ERCC4: variants seen among roughly 807,000 people sequenced by gnomAD.
The protein encoded by ERCC4 is DNA repair endonuclease XPF.
ERCC4 carries 65 observed loss-of-function variants against 76.9 expected under a neutral mutation model. The observed-to-expected ratio is 0.84, with a 90% CI of 0.69 to 1.04. The LOEUF (loss-of-function observed/expected upper bound fraction) is 1.04, where lower values mean the gene tolerates loss of function less well. ERCC4 is among the 50% of genes least tolerant of loss of function. The pLI is 0.00. For synonymous variants in ERCC4, 463 were observed against 410.1 expected, an observed-to-expected ratio of 1.13 and a Z score of -1.56; for missense variants, 1,214 against 1,128.2, an observed-to-expected ratio of 1.08 and a Z score of -1.09.
At chr16:13,925,431 G>A (rs1415201825) in intron 2 of ERCC4, among the ~76,000 whole-genome samples, 2 of 152,036 alleles carry the variant, frequency 1.3e-5, no homozygotes, top group Non-Finnish European at 2.9e-5. Context: ...CGTGTATTGG[G>A]GGGGTTATTG....
chr16:13,948,473 G>A lies in ERCC4; in HGVS notation c.*126G>A. ...TTCCAATGCTCTTAATGATTGTACG[G>A]TGGACCAGAAGCCAGGATTCCTCTC... On this transcript the variant is annotated 3_prime_UTR_variant, in exon 11 of 11. Coordinates refer to ENST00000311895, the MANE Select transcript of ERCC4 (RefSeq NM_005236.3). 2 of 1,182,784 alleles carry A rather than the reference G, an allele frequency of 1.7e-6. No individual in the cohort carries two copies. Among genetic ancestry groups the A allele is most frequent in the Non-Finnish European group, 2.5e-6 (2 of 815,662 alleles). The allele number at this position is 1,182,784 out of a possible 1,614,324, so 73.3% of individuals were successfully genotyped here.
rs958729171 is a variant in ERCC4, at chr16:13,947,419, G to A, written c.2018-195G>A. On this transcript the variant is annotated intron_variant, in intron 10 of 10. Transcript: ENST00000311895. ...GACAGTCTAACTTTCCTATTAGCTC[G>A]GTTTCCTTCAAGGGAAATTGCCTCT... Among the ~76,000 whole-genome samples, 9 of 152,236 alleles carry A rather than the reference G, an allele frequency of 5.9e-5. 1 individual carries two copies. In the South Asian group the frequency reaches 1.2e-3, roughly 21 times the overall value.
chr16:13,922,264 TA>T (rs1015821969), intron 2 of ERCC4, 53 bp downstream of exon 2: 3 of 1,167,554 alleles, frequency 2.6e-6, no homozygotes, highest in Non-Finnish European at 3.8e-6. Context: ...TTTTTTTTTT[TA>T]AGTACAATTT....
At position 13,944,801 on chromosome 16, in the gene ERCC4, A is replaced by C. The variant is rs373237850; in HGVS notation, c.1983A>C (p.Ala661=). Residue 661 remains alanine (A), a synonymous_variant, in exon 10 of 11, where the codon GCA becomes GCC. Transcript: ENST00000311895. Reference sequence around the variant, plus strand: ...ACTTAGACCTAGTAAGAGGCACAGCATCTGCAGATGTTTCCACTGACACTC... The same window carrying C: ...ACTTAGACCTAGTAAGAGGCACAGCCTCTGCAGATGTTTCCACTGACACTC... ...ETNLDLVRGT[A]SADVSTDTRK... is the part of the protein sequence containing the mutation. 6.2e-7 allele frequency: 1 copy of C among 1,613,742 alleles called. No individual in the cohort carries two copies. The highest frequency in any genetic ancestry group is 1.1e-5 in the South Asian group (1 of 91,078).
At chr16:13,922,241 G>A in intron 2 of ERCC4, 30 bp downstream of exon 2, 1 of 1,396,978 alleles carries the variant, frequency 7.2e-7, no homozygotes, top group Non-Finnish European at 1.0e-6. Context: ...TTATTAGTAT[G>A]TAAATTTGTA....
Position 13,922,182 on chromosome 16 carries a change from C to A in ERCC4, c.359C>A (p.Thr120Asn). The change falls in exon 2 of 11, where the codon ACT (threonine) becomes AAT (asparagine). Residue 120 changes from threonine (T) to asparagine (N), a missense_variant. By Grantham distance (65) the Thr-to-Asn change is moderately conservative. Transcript: ENST00000311895. Reference protein sequence around the residue: ...TSRILVVDFLTDRIPSDLITG... With the variant: ...TSRILVVDFLNDRIPSDLITG... ...AGGATACTTGTGGTTGACTTCTTGA[C>A]TGATAGAATACCTTCAGATTTAATT... 6.2e-7 allele frequency: 1 copy of A among 1,610,776 alleles called. No individual in the cohort carries two copies. Among genetic ancestry groups the A allele is most frequent in the Non-Finnish European group, 8.5e-7 (1 of 1,177,200 alleles).
In ERCC4 at chr16:13,926,650, TTTA is replaced by T. The variant is rs1177876060; in HGVS notation, c.482_484del (p.Ile161del). 6.2e-7 allele frequency: 1 copy of T among 1,614,150 alleles called. No individual in the cohort carries two copies. The highest frequency in any genetic ancestry group is 8.5e-7 in the Non-Finnish European group (1 of 1,179,996). ...CTTTCGCCAGAAAAACAAACGTGGT[TTTA>T]TTAAAGCTTTCACAGACAATGCTGT... On this transcript the variant is annotated inframe_deletion, in exon 3 of 11. Coordinates refer to ENST00000311895, the MANE Select transcript of ERCC4 (RefSeq NM_005236.3).
At chr16:13,943,727 AGTT>A (rs1473778231) in intron 9 of ERCC4, among the ~76,000 whole-genome samples, 1 of 151,012 alleles carries the variant, frequency 6.6e-6, no homozygotes, top group East Asian at 1.9e-4. Flanking sequence ...CCTCAGTTCC[AGTT>A]GTTTTTTTTT....
In ERCC4 at chr16:13,947,701, G is replaced by A. The variant is rs144058769; in HGVS notation, c.2105G>A (p.Arg702Gln). 17 of 1,614,044 alleles carry A rather than the reference G, an allele frequency of 1.1e-5. No individual in the cohort carries two copies. Among genetic ancestry groups the A allele is most frequent in the South Asian group, 5.5e-5 (5 of 91,084 alleles). ...GAGCTTCCATCTCTGATCCATCGTCGGGGCATTGACATTGAACCCGTGACT... is the reference window on the plus strand; with the variant it reads ...GAGCTTCCATCTCTGATCCATCGTCAGGGCATTGACATTGAACCCGTGACT... ...RSELPSLIHR[R>Q]GIDIEPVTLE... Residue 702 changes from arginine to glutamine, a missense_variant, in exon 11 of 11, where the codon CGG becomes CAG. Coordinates refer to ENST00000311895, the MANE Select transcript of ERCC4 (RefSeq NM_005236.3).
Position 13,922,625 on chromosome 16 carries a change from G to A in ERCC4, c.388+414G>A, listed in dbSNP as rs3136059. On this transcript the variant is annotated intron_variant, in intron 2 of 10. Transcript: ENST00000311895. ...GCACAGTTCGTGCAGCAAATAGGCT[G>A]CACATGGCCGCAGCCCTTTTTGGCA... 1.7e-5 allele frequency: 10 copies of A among 575,986 alleles called. 1 individual carries two copies. The highest frequency in any genetic ancestry group is 1.5e-4 in the African/African-American group (8 of 53,732). 35.7% of individuals were successfully genotyped at this position (575,986 alleles called of 1,614,324 possible).
At chr16:13,925,534 C>T (rs1019229499) in intron 2 of ERCC4, among the ~76,000 whole-genome samples, 23 of 148,326 alleles carry the variant, frequency 1.6e-4, no homozygotes, top group Non-Finnish European at 3.0e-4. Context: ...TTAGCTCCAT[C>T]CACCTCTATC....
At chr16:13,929,836 C>T (rs1244808829) in intron 4 of ERCC4, among the ~76,000 whole-genome samples, 3 of 152,096 alleles carry the variant, frequency 2.0e-5, no homozygotes, top group African/African-American at 7.2e-5. Flanking sequence ...GTGGTGGCAA[C>T]GCCTGTAGTC....
chr16:13,947,262 C>G (rs1226323084), intron 10 of ERCC4, among the ~76,000 whole-genome samples: 1 of 152,140 alleles, frequency 6.6e-6, no homozygotes, highest in Non-Finnish European at 1.5e-5. Flanking sequence ...TATTTTAAGC[C>G]TCTACCCTCA....
chr16:13,944,824 C>T lies in ERCC4; in HGVS notation c.2006C>T (p.Thr669Ile). 1.2e-6 allele frequency: 2 copies of T among 1,609,616 alleles called. No individual in the cohort carries two copies. The highest frequency in any genetic ancestry group is 2.2e-5 in the East Asian group (1 of 44,868). The change falls in exon 10 of 11, where the codon ACT (threonine) becomes ATT (isoleucine). Residue 669 changes from threonine to isoleucine, a missense_variant. Transcript: ENST00000311895. ...GTASADVSTD[T>I]RKAGGQEQNG... The stretch of plus-strand genomic sequence containing the variant: ...GCATCTGCAGATGTTTCCACTGACA[C>T]TCGGAAAGCCGGTGAGTCCTGCACT...
rs775414253 is a variant in ERCC4, at chr16:13,944,834, C to T, written c.2016C>T (p.Ala672=). 1.6e-5 allele frequency: 26 copies of T among 1,595,590 alleles called. No homozygotes were observed. The highest frequency in any genetic ancestry group is 6.6e-5 in the South Asian group (6 of 90,678). ...ATGTTTCCACTGACACTCGGAAAGC[C>T]GGTGAGTCCTGCACTTTGTCAGGCA... ...SADVSTDTRK[A]GGQEQNGTQQ... The change falls in exon 10 of 11, where the codon GCC becomes GCT. Residue 672 remains alanine, a splice_region_variant and synonymous_variant. Coordinates refer to ENST00000311895, the MANE Select transcript of ERCC4 (RefSeq NM_005236.3).
At position 13,944,826 on chromosome 16, in the gene ERCC4, C is replaced by G; in HGVS notation, c.2008C>G (p.Arg670Gly). ...TASADVSTDT[R>G]KAGGQEQNGT... ...ATCTGCAGATGTTTCCACTGACACT[C>G]GGAAAGCCGGTGAGTCCTGCACTTT... The change falls in exon 10 of 11, where the codon CGG (arginine) becomes GGG (glycine). Residue 670 changes from arginine to glycine, a missense_variant. By Grantham distance (125) the Arg-to-Gly change is moderately radical. Transcript: ENST00000311895. The G allele has an allele frequency of 6.2e-7, 1 of 1,607,888 alleles. No homozygotes were observed. Among genetic ancestry groups the G allele is most frequent in the Non-Finnish European group, 8.5e-7 (1 of 1,174,420 alleles).
chr16:13,938,085 G>A (rs2032341086), intron 9 of ERCC4, among the ~76,000 whole-genome samples: 1 of 151,934 alleles, frequency 6.6e-6, no homozygotes, highest in South Asian at 2.1e-4. Context: ...TCAGTGGTTT[G>A]TTTAATAGAA....
chr16:13,926,602 C>G lies in ERCC4; in HGVS notation c.430C>G (p.Gln144Glu), dbSNP rs751450497. ...AGCCCACAGAATAATCGAGTCTTGT[C>G]AAGAAGCATTCATCTTGCGCCTCTT... ...YRAHRIIESC[Q>E]EAFILRLFRQ... The change falls in exon 3 of 11, where the codon CAA becomes GAA. Residue 144 changes from glutamine to glutamate, a missense_variant. By Grantham distance (29) the Gln-to-Glu change is conservative. Coordinates refer to ENST00000311895, the MANE Select transcript of ERCC4 (RefSeq NM_005236.3). The G allele has an allele frequency of 6.2e-7, 1 of 1,614,100 alleles. No homozygotes were observed. The highest frequency in any genetic ancestry group is 1.1e-5 in the South Asian group (1 of 91,078).
rs1342677957 is a variant in ERCC4 at position 13,951,865 on chromosome 16, G to T, written c.*3518G>T. 4.5e-6 allele frequency: 1 copy of T among 221,042 alleles called. No individual in the cohort carries two copies. The highest frequency in any genetic ancestry group is 2.2e-5 in the African/African-American group (1 of 44,618). 13.7% of individuals were successfully genotyped at this position (221,042 alleles called of 1,614,324 possible). A position where few individuals can be genotyped will look rare whatever the true frequency, so the allele number is the denominator to read the frequency against. ...TTTTGTGTTCAGTTTAACCTAGAAAGGTCCTCTTGAAAAACCAACATTTTA... is the reference window on the plus strand; with the variant it reads ...TTTTGTGTTCAGTTTAACCTAGAAATGTCCTCTTGAAAAACCAACATTTTA... On this transcript the variant is annotated 3_prime_UTR_variant, in exon 11 of 11. Coordinates refer to ENST00000311895, the MANE Select transcript of ERCC4 (RefSeq NM_005236.3).
Sources: gnomAD v4.1 joint callset for allele counts (sites outside exome capture counted in the v4.1 genomes callset) on GRCh38, gnomAD v4.1.1 for gene constraint, MANE v1.5 for transcripts, NCBI Gene and HGNC (gene_info 2026-07-23, HGNC 2026-07-21) for gene names.